Variants in EML5 observed in about 807,000 individuals in gnomAD.
The protein encoded by EML5 is echinoderm microtubule-associated protein-like 5.
A neutral mutation model predicts 250.0 loss-of-function variants in EML5; 120 were observed. The ratio of observed to expected loss-of-function variants is 0.48; its 90% confidence interval spans 0.41 to 0.56. EML5 has a LOEUF of 0.56. EML5 is among the 20% of genes least tolerant of loss of function. The pLI is 0.00. For missense variants in EML5, 2,006 were observed against 2,437.6 expected (o/e 0.82, Z 3.73); for synonymous variants, 771 against 806.5 (o/e 0.96, Z 0.75).
intron 9 of EML5, among the ~76,000 whole-genome samples, chr14:88,713,409 A>G (rs1226110305): frequency 6.6e-6 from 1 of 151,790 alleles, no homozygotes; most frequent in Non-Finnish European, 1.5e-5. Context: ...AAAAATACTA[A>G]TAGGTAATAT....
Position 88,792,728 on chromosome 14 carries a change from C to T in EML5, c.-225G>A. 2.1e-5 allele frequency: 23 copies of T among 1,086,464 alleles called. No homozygotes were observed. Among genetic ancestry groups the T allele is most frequent in the Non-Finnish European group, 2.5e-5 (22 of 896,278 alleles). The allele number at this position is 1,086,464 out of a possible 1,614,324, so 67.3% of individuals were successfully genotyped here. A position where few individuals can be genotyped will look rare whatever the true frequency, so the allele number is the denominator to read the frequency against. Reference sequence around the variant, plus strand: ...GGAACATGCTGAGGGCCGCGAGCGCCGCCGGCTGTCAAGTGGATGCCCAGA... The same window carrying T: ...GGAACATGCTGAGGGCCGCGAGCGCTGCCGGCTGTCAAGTGGATGCCCAGA... On this transcript the variant is annotated 5_prime_UTR_variant, in exon 1 of 44. Transcript: ENST00000554922. This position sits in a 1 kb window ranked among gnomAD's most constrained non-coding sequence, Gnocchi z 6.9.
chr14:88,720,327 C>A (rs966402361), intron 8 of EML5, among the ~76,000 whole-genome samples: 3 of 151,692 alleles, frequency 2.0e-5, no homozygotes, highest in African/African-American at 7.3e-5. Context: ...GGCAGAGAAC[C>A]AACAAAAAAC....
intron 21 of EML5, among the ~76,000 whole-genome samples, chr14:88,668,306 C>T (rs1195194439): frequency 4.6e-5 from 7 of 152,032 alleles, no homozygotes; most frequent in Non-Finnish European, 1.0e-4. Context: ...AGCGCTGGAG[C>T]AGTCCTAAAT....
chr14:88,685,369 C>A (rs1026629126), intron 19 of EML5, among the ~76,000 whole-genome samples: 1 of 152,138 alleles, frequency 6.6e-6, no homozygotes, highest in Non-Finnish European at 1.5e-5. Context: ...TTCTCACATT[C>A]CCTCCTACCA....
At chr14:88,747,040 T>G (rs968938582) in intron 2 of EML5, among the ~76,000 whole-genome samples, 7 of 151,870 alleles carry the variant, frequency 4.6e-5, no homozygotes, top group Admixed American at 4.6e-4. Context: ...AAATCCTAAA[T>G]GAAGTACCGC....
chr14:88,684,205 A>G (rs2092776060), intron 20 of EML5, among the ~76,000 whole-genome samples: 2 of 149,578 alleles, frequency 1.3e-5, no homozygotes, highest in Non-Finnish European at 3.0e-5. Context: ...AGTTGTATTT[A>G]TAACAGCATC....
rs182252345 is a variant in EML5 at position 88,649,343 on chromosome 14, C to G, written c.4019+569G>C. Among the ~76,000 whole-genome samples the G allele has an allele frequency of 7.2e-5, 11 of 152,260 alleles. No homozygotes were observed. In the East Asian group the frequency reaches 2.1e-3, roughly 29 times the overall value. On this transcript the variant is annotated intron_variant, in intron 28 of 43. Transcript: ENST00000554922. ...GAGCCACAATTACAGGCCTGAGCCA[C>G]CGTGCCCAGCCATGATACCTTTTTT...
chr14:88,764,788 T>G (rs2094298365), intron 1 of EML5, among the ~76,000 whole-genome samples: 1 of 152,182 alleles, frequency 6.6e-6, no homozygotes, highest in Non-Finnish European at 1.5e-5. Flanking sequence ...TTCTTCTTCT[T>G]TTCATTTTCA....
intron 33 of EML5, among the ~76,000 whole-genome samples, chr14:88,629,410 T>G (rs1316480879): frequency 1.3e-5 from 2 of 152,198 alleles, no homozygotes; most frequent in Admixed American, 1.3e-4. Context: ...AACGTATAGG[T>G]ACGTAAGGTA....
chr14:88,757,450 A>C (rs1219918815), intron 1 of EML5, among the ~76,000 whole-genome samples: 1 of 152,204 alleles, frequency 6.6e-6, no homozygotes, highest in Non-Finnish European at 1.5e-5. Flanking sequence ...TAGTGACAAA[A>C]AAAAAAGCAG....
In EML5 at chr14:88,621,156, G is replaced by A. The variant is rs1304806983; in HGVS notation, c.5159C>T (p.Ala1720Val). The change falls in exon 38 of 44, where the codon GCT becomes GTT. Residue 1720 changes from alanine to valine, a missense_variant. This residue lies in a region of EML5 where 405 missense variants were observed against 523.3 expected (regional missense o/e 0.77). Coordinates refer to ENST00000554922, the MANE Select transcript of EML5 (RefSeq NM_183387.3). ...AAGTCTCACTGTCCCATCTTCTGCA[G>A]CAGAAAGGAAAAAATCCCTGGAAGG... ...THPSRDFFLS[A>V]AEDGTVRLWD... The A allele has an allele frequency of 1.2e-6, 2 of 1,613,846 alleles. No homozygotes were observed. The highest frequency in any genetic ancestry group is 1.7e-5 in the Admixed American group (1 of 60,006).
intron 8 of EML5, among the ~76,000 whole-genome samples, chr14:88,723,304 AC>A (rs2093618530): frequency 6.6e-6 from 1 of 152,208 alleles, no homozygotes; most frequent in African/African-American, 2.4e-5. Flanking sequence ...ATTTGCTACC[AC>A]ACGGATGAAC....
intron 14 of EML5, among the ~76,000 whole-genome samples, chr14:88,699,299 A>G (rs2093154062): frequency 6.6e-6 from 1 of 152,140 alleles, no homozygotes; most frequent in Non-Finnish European, 1.5e-5. Context: ...AAGGCAAAAA[A>G]ATAGTTTACA....
intron 8 of EML5, among the ~76,000 whole-genome samples, chr14:88,725,372 T>A (rs1158692641): frequency 6.6e-6 from 1 of 151,764 alleles, no homozygotes; most frequent in Non-Finnish European, 1.5e-5. Context: ...GAAAGGGGAG[T>A]CAGCACGTGT....
chr14:88,695,364 G>A lies in EML5; in HGVS notation c.2435C>T (p.Ala812Val). The A allele has an allele frequency of 6.2e-7, 1 of 1,606,092 alleles. No individual in the cohort carries two copies. The highest frequency in any genetic ancestry group is 8.5e-7 in the Non-Finnish European group (1 of 1,176,760). The change falls in exon 16 of 44, where the codon GCA becomes GTA. Residue 812 changes from alanine (A) to valine (V), a missense_variant. Around this residue, in one of 7 missense-constraint regions of EML5, gnomAD observed 1,375 missense variants for 1,590.3 expected, o/e 0.86. Coordinates refer to ENST00000554922, the MANE Select transcript of EML5 (RefSeq NM_183387.3). ...DWKKGEKLSI[A>V]RGSKDKIFVV... is the part of the protein sequence containing the mutation. ...TGATATCAAGTTTTTTTCCTACCTT[G>A]CTATTGAAAGTTTCTCTCCTTTCTT...
chr14:88,757,506 A>G (rs1009403106), intron 1 of EML5, among the ~76,000 whole-genome samples: 22 of 152,266 alleles, frequency 1.4e-4, no homozygotes, highest in African/African-American at 5.1e-4. Flanking sequence ...GCTTCTAAGG[A>G]CAATCATCAA....
Position 88,658,290 on chromosome 14 carries a change from A to T in EML5, c.3774T>A (p.Gly1258=), listed in dbSNP as rs1281468486. 1 of 1,613,844 alleles carries T rather than the reference A, an allele frequency of 6.2e-7. No homozygotes were observed. The highest frequency in any genetic ancestry group is 8.5e-7 in the Non-Finnish European group (1 of 1,179,814). Reference sequence around the variant, plus strand: ...TCCACACCATTAAAGACATATCTGTACCGCCTAGGGTAACCAACATGCTGT... The same window carrying T: ...TCCACACCATTAAAGACATATCTGTTCCGCCTAGGGTAACCAACATGCTGT... ...YDDSMLVTLG[G]TDMSLMVWTN... The change falls in exon 26 of 44, where the codon GGT becomes GGA. Residue 1258 remains glycine (G), a synonymous_variant. Transcript: ENST00000554922.
chr14:88,740,587 G>A lies in EML5; in HGVS notation c.526-15C>T. On this transcript the variant is annotated splice_polypyrimidine_tract_variant and intron_variant, in intron 4 of 43. Transcript: ENST00000554922. Reference sequence around the variant, plus strand: ...AAACTCCAGAACTAAAAGGTATATAGTATAATCAAATTACCAAAGAATTCT... The same window carrying A: ...AAACTCCAGAACTAAAAGGTATATAATATAATCAAATTACCAAAGAATTCT... 1 of 1,536,190 alleles carries A rather than the reference G, an allele frequency of 6.5e-7. No individual in the cohort carries two copies. The highest frequency in any genetic ancestry group is 1.3e-5 in the South Asian group (1 of 77,498).
intron 21 of EML5, among the ~76,000 whole-genome samples, chr14:88,666,122 A>C (rs1468904563): frequency 2.0e-5 from 3 of 152,228 alleles, no homozygotes; most frequent in East Asian, 3.8e-4. Flanking sequence ...AGAGATTTTA[A>C]TTAACATAAA....
Sources: gnomAD v4.1 joint callset for allele counts (sites outside exome capture counted in the v4.1 genomes callset) on GRCh38, gnomAD v4.1.1 for gene constraint, gnomAD v4.1.1 regional missense constraint, Gnocchi (gnomAD v3.1) non-coding constraint, MANE v1.5 for transcripts, NCBI Gene and HGNC (gene_info 2026-07-23, HGNC 2026-07-21) for gene names.